COL25A1: variants seen among roughly 807,000 people sequenced by gnomAD.
COL25A1 encodes collagen alpha-1(XXV) chain.
A neutral mutation model predicts 128.4 loss-of-function variants in COL25A1; 103 were observed. The observed-to-expected ratio is 0.80, with a 90% CI of 0.68 to 0.94. COL25A1 has a LOEUF of 0.94. COL25A1 is among the 40% of genes least tolerant of loss of function. The pLI is 0.00. For missense variants in COL25A1, 745 were observed against 840.0 expected, an observed-to-expected ratio of 0.89 and a Z score of 1.40; for synonymous variants, 279 against 277.2, an observed-to-expected ratio of 1.01 and a Z score of -0.06.
chr4:109,114,703 G>A (rs535486136), intron 3 of COL25A1, among the ~76,000 whole-genome samples: 3 of 152,188 alleles, frequency 2.0e-5, no homozygotes, highest in African/African-American at 7.2e-5. Flanking sequence ...AGGTACTAGA[G>A]TAAGATGTTG....
At position 108,875,127 on chromosome 4, in the gene COL25A1, G is replaced by A. The variant is rs1230482489; in HGVS notation, c.1021-5977C>T. On this transcript the variant is annotated intron_variant, in intron 19 of 37. Transcript: ENST00000399132. ...GACAGATCTGAGATCACTGCTGCTTGCAAAGTTAGTGCCTAACTCATGGGC... is the reference window on the plus strand; with the variant it reads ...GACAGATCTGAGATCACTGCTGCTTACAAAGTTAGTGCCTAACTCATGGGC... Among the ~76,000 whole-genome samples, 3 of 152,174 alleles carry A rather than the reference G, an allele frequency of 2.0e-5. No individual in the cohort carries two copies. The South Asian group carries it at 6.2e-4, about 32-fold the overall frequency.
At chr4:109,266,611 G>A (rs898223936) in intron 3 of COL25A1, among the ~76,000 whole-genome samples, 6 of 151,650 alleles carry the variant, frequency 4.0e-5, no homozygotes, top group East Asian at 1.9e-4. Flanking sequence ...CTGACCAGTC[G>A]GCATGACCTC....
intron 6 of COL25A1, among the ~76,000 whole-genome samples, chr4:109,001,366 A>ACAGGCATCTG (rs1755343157): frequency 2.1e-4 from 2 of 9,700 alleles, no homozygotes; most frequent in Non-Finnish European, 1.2e-3. Flanking sequence ...CCACAGTTAA[A>ACAGGCATCTG]AGAAACAGGC....
chr4:109,094,980 C>T (rs1436455264), intron 3 of COL25A1, among the ~76,000 whole-genome samples: 1 of 152,190 alleles, frequency 6.6e-6, no homozygotes, highest in Admixed American at 6.5e-5. Context: ...CTAATTGTTA[C>T]AACTTTTCAA....
At chr4:109,000,399 T>A (rs1360897416) in intron 6 of COL25A1, among the ~76,000 whole-genome samples, 1 of 152,144 alleles carries the variant, frequency 6.6e-6, no homozygotes, top group Non-Finnish European at 1.5e-5. Flanking sequence ...GGGATTTGAA[T>A]TATGTAATCT....
In COL25A1 at chr4:108,836,839, G is replaced by A. The variant is rs1733869684; in HGVS notation, c.1657-4406C>T. On this transcript the variant is annotated intron_variant, in intron 31 of 37. Coordinates refer to ENST00000399132, the MANE Select transcript of COL25A1 (RefSeq NM_198721.4). ...CATGCCTTTAATCCTAGCACTTTGTGAAGCCGAGGCGGGTGGATCACCTGA... is the reference window on the plus strand; with the variant it reads ...CATGCCTTTAATCCTAGCACTTTGTAAAGCCGAGGCGGGTGGATCACCTGA... 1.3e-5 allele frequency among the ~76,000 whole-genome samples: 2 copies of A among 152,138 alleles called. 1 individual carries two copies. The highest frequency in any genetic ancestry group is 1.3e-4 in the Admixed American group (2 of 15,276).
At chr4:108,900,722 G>T (rs1742733180) in intron 14 of COL25A1, among the ~76,000 whole-genome samples, 1 of 151,988 alleles carries the variant, frequency 6.6e-6, no homozygotes, top group African/African-American at 2.4e-5. Flanking sequence ...GCCAAATCTT[G>T]GGGAAAAGCC....
At chr4:108,895,599 A>G (rs1193297400) in intron 16 of COL25A1, among the ~76,000 whole-genome samples, 2 of 152,224 alleles carry the variant, frequency 1.3e-5, no homozygotes, top group African/African-American at 4.8e-5. Context: ...CCTTTGCCCC[A>G]GGACTGAATA....
chr4:109,148,525 C>T (rs949545741), intron 3 of COL25A1, among the ~76,000 whole-genome samples: 2 of 152,178 alleles, frequency 1.3e-5, no homozygotes, highest in Non-Finnish European at 2.9e-5. Context: ...TCCGTCACCA[C>T]GTTTAGTCTC....
At chr4:109,117,970 T>C (rs1210200239) in intron 3 of COL25A1, among the ~76,000 whole-genome samples, 1 of 151,516 alleles carries the variant, frequency 6.6e-6, no homozygotes, top group African/African-American at 2.4e-5. Flanking sequence ...TGGAATGATA[T>C]AAAATGCTCA....
chr4:109,140,193 T>C (rs1380727836), intron 3 of COL25A1, among the ~76,000 whole-genome samples: 2 of 152,206 alleles, frequency 1.3e-5, no homozygotes, highest in Non-Finnish European at 2.9e-5. Flanking sequence ...TACCCAGTAA[T>C]GGGATGGCTG....
chr4:109,179,967 G>A (rs1265719767), intron 3 of COL25A1, among the ~76,000 whole-genome samples: 1 of 152,158 alleles, frequency 6.6e-6, no homozygotes, highest in Non-Finnish European at 1.5e-5. Flanking sequence ...TCAAATAGAT[G>A]CCTCAGTGCA....
chr4:108,874,575 C>G (rs1460367016), intron 19 of COL25A1, among the ~76,000 whole-genome samples: 1 of 151,994 alleles, frequency 6.6e-6, no homozygotes, highest in African/African-American at 2.4e-5. Flanking sequence ...AGCAGAGATC[C>G]TTTGAAAAGG....
chr4:109,296,933 C>T (rs988448369), intron 3 of COL25A1, among the ~76,000 whole-genome samples: 2 of 151,962 alleles, frequency 1.3e-5, no homozygotes, highest in Non-Finnish European at 1.5e-5. Context: ...TATAGGACTC[C>T]AAGAACAGAA....
chr4:108,860,222 C>T (rs2125789676), intron 23 of COL25A1, among the ~76,000 whole-genome samples: 1 of 152,200 alleles, frequency 6.6e-6, no homozygotes, highest in African/African-American at 2.4e-5. Flanking sequence ...AGCAATTCTC[C>T]TGCCTCAGCC....
intron 3 of COL25A1, among the ~76,000 whole-genome samples, chr4:109,127,697 C>T (rs536163685): frequency 2.0e-5 from 3 of 151,980 alleles, no homozygotes; most frequent in African/African-American, 4.8e-5. Flanking sequence ...AAACCAAACT[C>T]GAGGGGCTAA....
chr4:109,001,221 C>A (rs1196043490), intron 6 of COL25A1, among the ~76,000 whole-genome samples: 1 of 152,190 alleles, frequency 6.6e-6, no homozygotes, highest in Non-Finnish European at 1.5e-5. Flanking sequence ...GTTGATAGTA[C>A]ACTCAATCCT....
intron 5 of COL25A1, among the ~76,000 whole-genome samples, chr4:109,044,744 G>A (rs1760260733): frequency 6.6e-6 from 1 of 152,154 alleles, no homozygotes; most frequent in Non-Finnish European, 1.5e-5. Flanking sequence ...GTGCAGAATG[G>A]AGGCAAGGGC....
At chr4:109,049,600 A>G (rs1490989830) in intron 4 of COL25A1, among the ~76,000 whole-genome samples, 1 of 152,224 alleles carries the variant, frequency 6.6e-6, no homozygotes, top group African/African-American at 2.4e-5. Flanking sequence ...GGCTCTTGTC[A>G]TCACTAAAAT....
Sources: gnomAD v4.1 joint callset for allele counts (sites outside exome capture counted in the v4.1 genomes callset) on GRCh38, gnomAD v4.1.1 for gene constraint, MANE v1.5 for transcripts, NCBI Gene and HGNC (gene_info 2026-07-23, HGNC 2026-07-21) for gene names.